Variants in SLC35B4 observed in about 807,000 individuals in gnomAD.
The protein encoded by SLC35B4 is solute carrier family 35 member B4.
In SLC35B4, 28 loss-of-function variants were observed where a neutral mutation model predicts 39.5. That is an observed-to-expected ratio of 0.71 (90% CI 0.53 to 0.97). The LOEUF (loss-of-function observed/expected upper bound fraction) is 0.97, where lower values mean the gene tolerates loss of function less well. Among genes scored for constraint, SLC35B4 ranks in the 50% least tolerant of loss-of-function variants. The pLI is 0.00. For missense variants in SLC35B4, 334 were observed against 414.3 expected (o/e 0.81, Z 1.68); for synonymous variants, 145 against 150.4 (o/e 0.96, Z 0.26).
chr7:134,299,331 T>C, intron 8 of SLC35B4, 192 bp downstream of exon 8: 1 of 496,890 alleles, frequency 2.0e-6, no homozygotes, highest in Non-Finnish European at 3.6e-6. Context: ...TTTTACTTCA[T>C]TTGTAAATAA....
At chr7:134,309,596 T>C in intron 1 of SLC35B4, 117 bp from the exon 2 acceptor site, 1 of 693,532 alleles carries the variant, frequency 1.4e-6, no homozygotes, top group Non-Finnish European at 2.5e-6. Context: ...AATTACCCAC[T>C]GTCCTTTATC....
intron 9 of SLC35B4, 121 bp from the exon 10 acceptor site, chr7:134,295,200 C>T (rs994489150): frequency 3.1e-5 from 41 of 1,314,540 alleles, no homozygotes; most frequent in East Asian, 1.6e-4. Context: ...AGGTCCGCTA[C>T]GGCAGCTCTG....
At chr7:134,320,268 GGT>G (rs1234235593), upstream of SLC35B4, among the ~76,000 whole-genome samples, 11 of 152,262 alleles carry the variant, frequency 7.2e-5, no homozygotes, top group African/African-American at 2.6e-4. Flanking sequence ...GGCTTGAAAG[GGT>G]TGATCCCCGA....
At chr7:134,305,430 G>A (rs1803685124) in intron 3 of SLC35B4, among the ~76,000 whole-genome samples, 1 of 151,862 alleles carries the variant, frequency 6.6e-6, no homozygotes, top group African/African-American at 2.4e-5. Flanking sequence ...CTCCTTATAG[G>A]CATGTTTTGC....
chr7:134,296,109 G>A (rs1179932712), intron 9 of SLC35B4, among the ~76,000 whole-genome samples: 2 of 151,718 alleles, frequency 1.3e-5, no homozygotes, highest in African/African-American at 2.4e-5. Flanking sequence ...GATTACAGGC[G>A]TGAGCCACCA....
rs370328486 is a variant in SLC35B4, at chr7:134,299,505, G to A, written c.673+18C>T. The A allele has an allele frequency of 3.1e-6, 5 of 1,603,110 alleles. No individual in the cohort carries two copies. The highest frequency in any genetic ancestry group is 4.3e-6 in the Non-Finnish European group (5 of 1,170,432). On this transcript the variant is annotated intron_variant, in intron 8 of 9. Transcript: ENST00000378509. ...TCAGAAACTGTCAGGTAATTCTACT[G>A]TCTAACCCCAAACTCACCAGACTTA...
rs573619044 is a variant in SLC35B4 at position 134,302,397 on chromosome 7, T to A, written c.345-287A>T. On this transcript the variant is annotated intron_variant, in intron 4 of 9. Coordinates refer to ENST00000378509, the MANE Select transcript of SLC35B4 (RefSeq NM_032826.5). ...AAACAGAAATAGACCAGATGTGATG[T>A]TGCATTCTGCTCTCAAGAGTCCAGA... Among the ~76,000 whole-genome samples the A allele has an allele frequency of 5.0e-4, 76 of 152,334 alleles. 2 individuals are homozygous for A. In the South Asian group the frequency reaches 0.015, roughly 31 times the overall value.
rs1862052 is a variant in SLC35B4 at position 134,296,475 on chromosome 7, G to A, written c.674-9C>T. 684,907 of 1,603,714 alleles carry A rather than the reference G, an allele frequency of 0.43. 155,128 individuals are homozygous for A. Among genetic ancestry groups the A allele is most frequent in the South Asian group, 0.49 (44,503 of 90,338 alleles). On this transcript the variant is annotated splice_polypyrimidine_tract_variant and intron_variant, in intron 8 of 9. Coordinates refer to ENST00000378509, the MANE Select transcript of SLC35B4 (RefSeq NM_032826.5). ...GGGAATTTCATATAACTCTGTAGAGGTTACAAGAGGATATAGCCATATTGC... is the reference window on the plus strand; with the variant it reads ...GGGAATTTCATATAACTCTGTAGAGATTACAAGAGGATATAGCCATATTGC...
chr7:134,305,210 C>G (rs1803678557), intron 3 of SLC35B4, among the ~76,000 whole-genome samples: 1 of 152,038 alleles, frequency 6.6e-6, no homozygotes, highest in East Asian at 1.9e-4. Flanking sequence ...GTAATTCCAG[C>G]TACTTGGGAG....
At chr7:134,296,058 A>C (rs181537364) in intron 9 of SLC35B4, among the ~76,000 whole-genome samples, 1 of 150,636 alleles carries the variant, frequency 6.6e-6, no homozygotes, top group Non-Finnish European at 1.5e-5. Context: ...CAAACTCCTG[A>C]CCTCAAGTGA....
At chr7:134,305,247 C>A (rs750681469) in intron 3 of SLC35B4, among the ~76,000 whole-genome samples, 1 of 151,864 alleles carries the variant, frequency 6.6e-6, no homozygotes, top group Non-Finnish European at 1.5e-5. Context: ...CCCTTGAACC[C>A]GGGAAGTGGA....
intron 9 of SLC35B4, among the ~76,000 whole-genome samples, chr7:134,296,039 G>A (rs1459225049): frequency 1.3e-5 from 2 of 152,058 alleles, no homozygotes; most frequent in Admixed American, 1.3e-4. Context: ...ATGTTGGCCA[G>A]GCTGGTCTCA....
chr7:134,317,983 A>G (rs1804029052), upstream of SLC35B4, among the ~76,000 whole-genome samples: 1 of 152,254 alleles, frequency 6.6e-6, no homozygotes, highest in African/African-American at 2.4e-5. Flanking sequence ...CAACAGCAAT[A>G]GCAAAGTACA....
At chr7:134,308,021 C>T (rs756868537) in intron 2 of SLC35B4, among the ~76,000 whole-genome samples, 4 of 152,148 alleles carry the variant, frequency 2.6e-5, no homozygotes, top group Non-Finnish European at 4.4e-5. Context: ...TTCCACATTG[C>T]TTGCCTAGAA....
At chr7:134,305,427 T>C (rs1182934516) in intron 3 of SLC35B4, among the ~76,000 whole-genome samples, 2 of 152,168 alleles carry the variant, frequency 1.3e-5, no homozygotes, top group Non-Finnish European at 2.9e-5. Flanking sequence ...GCCCTCCTTA[T>C]AGGCATGTTT....
chr7:134,297,767 G>A (rs952558760), intron 8 of SLC35B4, among the ~76,000 whole-genome samples: 1 of 152,226 alleles, frequency 6.6e-6, no homozygotes, highest in Non-Finnish European at 1.5e-5. Context: ...CAGGAGTAGT[G>A]GCTCACGCCT....
In SLC35B4 at chr7:134,294,762, C is replaced by T. The variant is rs146597890; in HGVS notation, c.*71G>A. The stretch of plus-strand genomic sequence containing the variant: ...GCGGGTAGCTCGGCATTAACAAAAG[C>T]GAAACGGTGGTCAGACCTTCACAGG... On this transcript the variant is annotated 3_prime_UTR_variant, in exon 10 of 10. Coordinates refer to ENST00000378509, the MANE Select transcript of SLC35B4 (RefSeq NM_032826.5). The T allele has an allele frequency of 1.4e-4, 221 of 1,573,660 alleles. No homozygotes were observed. In the East Asian group the frequency reaches 4.0e-3, roughly 29 times the overall value.
At chr7:134,310,631 G>A (rs1044454902) in intron 1 of SLC35B4, among the ~76,000 whole-genome samples, 3 of 150,402 alleles carry the variant, frequency 2.0e-5, no homozygotes, top group East Asian at 2.0e-4. Context: ...TGCAAGCTCC[G>A]CCTCCCGGGT....
Position 134,316,772 on chromosome 7 carries a change from A to C in SLC35B4, c.-21T>G. 2 of 1,544,268 alleles carry C rather than the reference A, an allele frequency of 1.3e-6. No homozygotes were observed. The highest frequency in any genetic ancestry group is 1.7e-6 in the Non-Finnish European group (2 of 1,146,402). Reference sequence around the variant, plus strand: ...CGCATGGCCGGTGCAGGGTTGGGGAAGCAAGCGCACAGAGTAAGCGCCCGC... The same window carrying C: ...CGCATGGCCGGTGCAGGGTTGGGGACGCAAGCGCACAGAGTAAGCGCCCGC... On this transcript the variant is annotated 5_prime_UTR_variant, in exon 1 of 10. Transcript: ENST00000378509.
Sources: gnomAD v4.1 joint callset for allele counts (sites outside exome capture counted in the v4.1 genomes callset) on GRCh38, gnomAD v4.1.1 for gene constraint, MANE v1.5 for transcripts, NCBI Gene and HGNC (gene_info 2026-07-23, HGNC 2026-07-21) for gene names.